The following SPATA17 variants were observed in gnomAD, a reference collection of about 807,000 sequenced individuals.
SPATA17 encodes spermatogenesis associated 17.
A neutral mutation model predicts 62.2 loss-of-function variants in SPATA17; 53 were observed. The observed-to-expected ratio is 0.85, with a 90% CI of 0.68 to 1.07. The LOEUF (loss-of-function observed/expected upper bound fraction) is 1.07, where lower values mean the gene tolerates loss of function less well. Among genes scored for constraint, SPATA17 ranks in the 50% least tolerant of loss-of-function variants. The probability of loss-of-function intolerance (pLI) is 0.00; values close to 1 mark genes in which losing one functional copy is unlikely to be tolerated. For synonymous variants in SPATA17, 146 were observed against 146.8 expected (o/e 0.99, Z 0.04); for missense variants, 466 against 425.5 (o/e 1.10, Z -0.84).
intron 6 of SPATA17, among the ~76,000 whole-genome samples, chr1:217,750,141 G>A (rs1042104865): frequency 3.3e-5 from 5 of 150,932 alleles, no homozygotes; most frequent in African/African-American, 9.8e-5. Flanking sequence ...TTACTTTACC[G>A]TTAAAGATGT....
chr1:217,694,833 TG>T (rs1408968703), intron 5 of SPATA17, among the ~76,000 whole-genome samples: 8 of 142,392 alleles, frequency 5.6e-5, no homozygotes, highest in Non-Finnish European at 3.1e-5. Context: ...CACTCTCTTC[TG>T]GCTTGTAGGG....
At chr1:217,812,821 A>G (rs1674624794) in intron 9 of SPATA17, among the ~76,000 whole-genome samples, 1 of 152,204 alleles carries the variant, frequency 6.6e-6, no homozygotes, top group African/African-American at 2.4e-5. Flanking sequence ...TAAAGCCTTT[A>G]TCTGAATTGG....
intron 6 of SPATA17, among the ~76,000 whole-genome samples, chr1:217,745,772 A>T (rs1200849256): frequency 6.6e-6 from 1 of 152,060 alleles, no homozygotes; most frequent in Admixed American, 6.6e-5. Context: ...TTTCAGTCTA[A>T]TGTCAATTTT....
chr1:217,830,671 C>G (rs1346470429), intron 9 of SPATA17, among the ~76,000 whole-genome samples: 2 of 152,062 alleles, frequency 1.3e-5, no homozygotes, highest in Non-Finnish European at 2.9e-5. Flanking sequence ...GCCTGGAAGC[C>G]ATACTTCCAG....
chr1:217,767,846 G>A (rs533949539), intron 6 of SPATA17, among the ~76,000 whole-genome samples: 1 of 152,148 alleles, frequency 6.6e-6, no homozygotes, highest in Non-Finnish European at 1.5e-5. Flanking sequence ...GACTCGTTCT[G>A]ATGCCTGATT....
intron 6 of SPATA17, among the ~76,000 whole-genome samples, chr1:217,748,700 C>T (rs1004638409): frequency 4.7e-5 from 7 of 148,910 alleles, no homozygotes; most frequent in Non-Finnish European, 7.4e-5. Context: ...GCCGAGATCA[C>T]GCCACTGCAC....
At chr1:217,649,554 C>T (rs953997896) in intron 2 of SPATA17, among the ~76,000 whole-genome samples, 3 of 152,020 alleles carry the variant, frequency 2.0e-5, no homozygotes, top group African/African-American at 7.3e-5. Flanking sequence ...AAAGGATCTA[C>T]AAATGACTGG....
chr1:217,730,653 A>G (rs777546050), intron 5 of SPATA17, among the ~76,000 whole-genome samples: 20 of 152,216 alleles, frequency 1.3e-4, no homozygotes, highest in Non-Finnish European at 2.6e-4. Context: ...ATTTGAAAGT[A>G]AAAGACTAAA....
chr1:217,718,436 A>G (rs10495071), intron 5 of SPATA17, among the ~76,000 whole-genome samples: 28,566 of 152,144 alleles, frequency 0.19, 2,962 homozygotes, highest in African/African-American at 0.28. Context: ...AACTAGCTTA[A>G]TATGAGATTT....
chr1:217,679,455 C>T (rs1050612086), intron 4 of SPATA17, among the ~76,000 whole-genome samples: 16 of 152,120 alleles, frequency 1.1e-4, no homozygotes, highest in Non-Finnish European at 5.9e-5. Context: ...AATTTTAGAT[C>T]CTTCATTTCA....
chr1:217,663,491 T>C (rs183763611), intron 3 of SPATA17, among the ~76,000 whole-genome samples: 2 of 151,602 alleles, frequency 1.3e-5, no homozygotes, highest in East Asian at 1.9e-4. Flanking sequence ...TTGTTATCAA[T>C]TGCCAGCAAA....
At chr1:217,809,604 G>T (rs1674534320) in intron 9 of SPATA17, among the ~76,000 whole-genome samples, 1 of 152,114 alleles carries the variant, frequency 6.6e-6, no homozygotes, top group African/African-American at 2.4e-5. Flanking sequence ...TTGAGGGAAT[G>T]AATCCATCCT....
At chr1:217,818,034 A>G (rs1336163650) in intron 9 of SPATA17, among the ~76,000 whole-genome samples, 10 of 152,106 alleles carry the variant, frequency 6.6e-5, no homozygotes, top group African/African-American at 2.4e-5. Context: ...ATTATATTTT[A>G]TATGATTAGA....
intron 6 of SPATA17, among the ~76,000 whole-genome samples, chr1:217,748,660 C>T (rs1040170423): frequency 2.0e-5 from 3 of 147,322 alleles, no homozygotes; most frequent in African/African-American, 7.6e-5. Flanking sequence ...AGGAGAATCG[C>T]TTGAACCTGG....
chr1:217,756,491 T>C (rs1216740896), intron 6 of SPATA17, among the ~76,000 whole-genome samples: 2 of 152,224 alleles, frequency 1.3e-5, no homozygotes, highest in African/African-American at 2.4e-5. Context: ...TTCCCGTTTA[T>C]GGATGGTTTC....
intron 5 of SPATA17, among the ~76,000 whole-genome samples, chr1:217,712,128 C>CTTTTTTTTTT (rs551988828): frequency 2.2e-4 from 30 of 134,136 alleles, no homozygotes; most frequent in Non-Finnish European, 2.6e-4. Context: ...ACAATATGTT[C>CTTTTTTTTTT]TTTTGTTTTT....
chr1:217,708,595 C>G (rs1571747795), intron 5 of SPATA17, among the ~76,000 whole-genome samples: 1 of 151,994 alleles, frequency 6.6e-6, no homozygotes, highest in East Asian at 1.9e-4. Flanking sequence ...CCAAACCAGA[C>G]AGATTTATTG....
At chr1:217,832,222 G>A (rs1675159521) in intron 9 of SPATA17, among the ~76,000 whole-genome samples, 1 of 152,038 alleles carries the variant, frequency 6.6e-6, no homozygotes, top group African/African-American at 2.4e-5. Flanking sequence ...CATATAAAAT[G>A]TATGCTTAGT....
chr1:217,790,123 A>C (rs965847543), intron 8 of SPATA17, among the ~76,000 whole-genome samples: 1 of 152,208 alleles, frequency 6.6e-6, no homozygotes, highest in Non-Finnish European at 1.5e-5. Flanking sequence ...CTTACGAAGT[A>C]ACTTACAACA....
Sources: allele counts gnomAD v4.1 joint callset (sites outside exome capture counted in the v4.1 genomes callset), GRCh38; gene constraint gnomAD v4.1.1; transcripts MANE v1.5; gene names NCBI Gene and HGNC (gene_info 2026-07-23, HGNC 2026-07-21).